The following IFT80 variants were observed in gnomAD, a reference collection of about 807,000 sequenced individuals.
IFT80 encodes intraflagellar transport protein 80 homolog.
In IFT80, 79 loss-of-function variants were observed where a neutral mutation model predicts 107.9. The observed-to-expected ratio is 0.73, with a 90% CI of 0.61 to 0.88. The LOEUF is 0.88. IFT80 is among the 40% of genes least tolerant of loss of function. IFT80 has a pLI of 0.00. For synonymous variants in IFT80, 299 were observed against 300.9 expected (o/e 0.99, Z 0.07); for missense variants, 797 against 914.2 (o/e 0.87, Z 1.65).
intron 14 of IFT80, among the ~76,000 whole-genome samples, chr3:160,282,151 C>T (rs1430186824): frequency 5.3e-5 from 8 of 152,102 alleles, no homozygotes; most frequent in Non-Finnish European, 5.9e-5. Flanking sequence ...TGTGGTGGCA[C>T]ATGACTGTAG....
At chr3:160,337,742 A>G (rs1033859486) in intron 8 of IFT80, among the ~76,000 whole-genome samples, 1 of 152,026 alleles carries the variant, frequency 6.6e-6, no homozygotes, top group African/African-American at 2.4e-5. Flanking sequence ...AAGTCTGATG[A>G]TGTTCTGATT....
intron 8 of IFT80, among the ~76,000 whole-genome samples, chr3:160,332,646 A>T (rs1337038089): frequency 1.3e-5 from 2 of 152,270 alleles, no homozygotes. Context: ...GGACAGCATT[A>T]CATAAATAAG....
chr3:160,368,435 T>A (rs1461975748), intron 5 of IFT80, among the ~76,000 whole-genome samples: 3 of 151,322 alleles, frequency 2.0e-5, no homozygotes, highest in Non-Finnish European at 4.4e-5. Flanking sequence ...ATATCCTGTT[T>A]AGTCAATGAC....
intron 9 of IFT80, 133 bp downstream of exon 9, chr3:160,319,627 G>C: frequency 2.5e-6 from 2 of 805,038 alleles, no homozygotes; most frequent in Non-Finnish European, 4.0e-6. Flanking sequence ...TAATGGAATA[G>C]TTAAAATATT....
At chr3:160,337,630 A>G (rs1719596999) in intron 8 of IFT80, among the ~76,000 whole-genome samples, 1 of 152,184 alleles carries the variant, frequency 6.6e-6, no homozygotes, top group Admixed American at 6.5e-5. Context: ...TCTCCAAAAA[A>G]AAAAGGTAAG....
At chr3:160,340,603 C>T (rs1277782967) in intron 8 of IFT80, among the ~76,000 whole-genome samples, 2 of 152,196 alleles carry the variant, frequency 1.3e-5, no homozygotes, top group African/African-American at 4.8e-5. Flanking sequence ...CACCTGCATT[C>T]CTCGGCTTGT....
rs1339576384 is a variant in IFT80, at chr3:160,286,340, TG to T, written c.1316-473del. ...AGAGAGTGATTACCCTACCATACAA[TG>T]GGGTGCAGATGGTTAAAAGCCACTT... On this transcript the variant is annotated intron_variant, in intron 12 of 19. Transcript: ENST00000326448. 2.0e-5 allele frequency among the ~76,000 whole-genome samples: 3 copies of T among 152,130 alleles called. No individual in the cohort carries two copies. The East Asian group carries it at 5.8e-4, about 29-fold the overall frequency.
At chr3:160,343,704 C>A in intron 8 of IFT80, 1 of 256,048 alleles carries the variant, frequency 3.9e-6, no homozygotes, top group Non-Finnish European at 7.8e-6. Context: ...TCCTGATCAT[C>A]TCATTTAAAA....
chr3:160,362,659 A>C (rs1416996742), intron 6 of IFT80, among the ~76,000 whole-genome samples: 1 of 152,174 alleles, frequency 6.6e-6, no homozygotes, highest in Non-Finnish European at 1.5e-5. Flanking sequence ...GCACATCAAA[A>C]AGCTTATCCA....
At chr3:160,336,035 ATAGT>A (rs1368405080) in intron 8 of IFT80, among the ~76,000 whole-genome samples, 1 of 152,178 alleles carries the variant, frequency 6.6e-6, no homozygotes, top group East Asian at 1.9e-4. Context: ...TGGATAGAAC[ATAGT>A]TTGTTTATAC....
At chr3:160,326,321 T>C (rs1189210543) in intron 8 of IFT80, among the ~76,000 whole-genome samples, 1 of 152,020 alleles carries the variant, frequency 6.6e-6, no homozygotes, top group Non-Finnish European at 1.5e-5. Flanking sequence ...CCTAACTCAT[T>C]CTATGAGGTC....
rs373671362 is a variant in IFT80, at chr3:160,268,536, C to G, written c.2100G>C (p.Arg700Ser). The change falls in exon 19 of 20, where the codon AGG becomes AGC. Residue 700 changes from arginine to serine, a missense_variant and splice_region_variant. By Grantham distance (110) the Arg-to-Ser change is moderately radical. Coordinates refer to ENST00000326448, the MANE Select transcript of IFT80 (RefSeq NM_020800.3). ...TGTATTTTACAGCCAATTCCAGTGC[C>G]CTATAATGAGAAATAAAACAGATTA... ...QININLYNWE[R>S]ALELAVKYKT... The G allele has an allele frequency of 5.6e-6, 9 of 1,612,800 alleles. No individual in the cohort carries two copies. The African/African-American group carries it at 9.4e-5, about 17-fold the overall frequency.
chr3:160,296,482 T>G (rs1474071714), intron 12 of IFT80, among the ~76,000 whole-genome samples: 1 of 152,020 alleles, frequency 6.6e-6, no homozygotes, highest in Non-Finnish European at 1.5e-5. Flanking sequence ...TTCTCTGAGA[T>G]ATTATTCTGT....
chr3:160,306,536 T>C (rs1281709869), intron 10 of IFT80, among the ~76,000 whole-genome samples: 1 of 152,180 alleles, frequency 6.6e-6, no homozygotes, highest in East Asian at 1.9e-4. Context: ...TTAGTATCTT[T>C]TTTGAATCTT....
intron 12 of IFT80, among the ~76,000 whole-genome samples, chr3:160,293,541 T>C (rs867960612): frequency 1.3e-5 from 2 of 152,212 alleles, no homozygotes; most frequent in African/African-American, 4.8e-5. Context: ...TTTTGCCATA[T>C]GGGATCCATG....
intron 18 of IFT80, among the ~76,000 whole-genome samples, chr3:160,271,720 A>C (rs1442260035): frequency 6.6e-6 from 1 of 152,170 alleles, no homozygotes; most frequent in African/African-American, 2.4e-5. Context: ...AGAGGATTTA[A>C]ACAAATATAG....
At chr3:160,389,515 G>A (rs1179154911) in intron 1 of IFT80, among the ~76,000 whole-genome samples, 1 of 121,018 alleles carries the variant, frequency 8.3e-6, no homozygotes, top group East Asian at 2.5e-4. Context: ...AGAGTGTGAT[G>A]TTCCCCTTCC....
At chr3:160,361,252 A>G (rs1030224503) in intron 6 of IFT80, among the ~76,000 whole-genome samples, 2 of 152,166 alleles carry the variant, frequency 1.3e-5, no homozygotes, top group Non-Finnish European at 2.9e-5. Context: ...CAGACTTTAA[A>G]CCAACAAAGA....
intron 8 of IFT80, among the ~76,000 whole-genome samples, chr3:160,332,990 G>A (rs1021398457): frequency 4.6e-5 from 7 of 152,136 alleles, no homozygotes; most frequent in African/African-American, 1.4e-4. Flanking sequence ...ATCATAGAGC[G>A]TACTTATACA....
Sources: allele counts gnomAD v4.1 joint callset (sites outside exome capture counted in the v4.1 genomes callset), GRCh38; gene constraint gnomAD v4.1.1; transcripts MANE v1.5; gene names NCBI Gene and HGNC (gene_info 2026-07-23, HGNC 2026-07-21).